SLC39A11: variants seen among roughly 807,000 people sequenced by gnomAD.
SLC39A11 encodes the protein zinc transporter ZIP11.
A neutral mutation model predicts 36.1 loss-of-function variants in SLC39A11; 33 were observed. The ratio of observed to expected loss-of-function variants is 0.91; its 90% CI spans 0.69 to 1.22. The LOEUF (loss-of-function observed/expected upper bound fraction) is 1.22. SLC39A11 is among the 50% of genes most tolerant of loss of function. The pLI is 0.00. For missense variants in SLC39A11, 432 were observed against 430.3 expected, an observed-to-expected ratio of 1.00 and a Z score of -0.03; for synonymous variants, 166 against 170.3, an observed-to-expected ratio of 0.97 and a Z score of 0.20.
At chr17:72,877,983 C>T (rs531990321) in intron 5 of SLC39A11, among the ~76,000 whole-genome samples, 3 of 119,006 alleles carry the variant, frequency 2.5e-5, no homozygotes, top group South Asian at 6.9e-4. Flanking sequence ...CCCCACCCCA[C>T]AACAGGCCCC....
At chr17:72,714,230 C>A (rs1181814991) in intron 7 of SLC39A11, among the ~76,000 whole-genome samples, 1 of 152,058 alleles carries the variant, frequency 6.6e-6, no homozygotes, top group Non-Finnish European at 1.5e-5. Flanking sequence ...GTGGTGCGCA[C>A]CTGTACTCCC....
intron 6 of SLC39A11, among the ~76,000 whole-genome samples, chr17:72,825,043 C>T (rs1453967985): frequency 6.6e-6 from 1 of 151,318 alleles, no homozygotes; most frequent in African/African-American, 2.4e-5. Flanking sequence ...TAAAGAGGGG[C>T]CGAATGTTAA....
intron 4 of SLC39A11, among the ~76,000 whole-genome samples, chr17:73,000,167 G>C (rs16977478): frequency 0.033 from 4,981 of 152,058 alleles, 286 homozygotes; most frequent in African/African-American, 0.11. Flanking sequence ...CAGATGCACC[G>C]GGATAGTCAG....
rs1180466939 is a variant in SLC39A11 at position 72,897,070 on chromosome 17, AAC to A, written c.431-47268_431-47267del. On this transcript the variant is annotated intron_variant, in intron 5 of 9. Transcript: ENST00000255559. ...TCTGTCTCAAAAAAAAAAAAAAAAAAACAAACAGAAAAACAGAAAAGTCCTCA... is the reference window on the plus strand; with the variant it reads ...TCTGTCTCAAAAAAAAAAAAAAAAAAAAACAGAAAAACAGAAAAGTCCTCA... Among the ~76,000 whole-genome samples the A allele has an allele frequency of 2.7e-5, 4 of 150,404 alleles. 1 individual carries two copies. The highest frequency in any genetic ancestry group is 3.0e-5 in the Non-Finnish European group (2 of 67,450).
chr17:73,030,884 G>A (rs1029355519), intron 4 of SLC39A11, among the ~76,000 whole-genome samples: 2 of 152,186 alleles, frequency 1.3e-5, no homozygotes, highest in African/African-American at 4.8e-5. Context: ...GTGCTTCCCT[G>A]TAAGCACATA....
chr17:72,675,018 G>A (rs1450746379), intron 7 of SLC39A11, among the ~76,000 whole-genome samples: 1 of 151,930 alleles, frequency 6.6e-6, no homozygotes, highest in African/African-American at 2.4e-5. Flanking sequence ...CACAGAGACA[G>A]AAAGAGAGAG....
chr17:72,993,302 G>A (rs2089301253), intron 4 of SLC39A11, among the ~76,000 whole-genome samples: 2 of 152,166 alleles, frequency 1.3e-5, no homozygotes, highest in Admixed American at 1.3e-4. Context: ...AGTTAAAATG[G>A]GAGCGTTTTA....
At chr17:72,748,260 T>A (rs148246784) in intron 6 of SLC39A11, among the ~76,000 whole-genome samples, 2,747 of 150,670 alleles carry the variant, frequency 0.018, 73 homozygotes, top group African/African-American at 0.061. Flanking sequence ...AGGTGGAGGT[T>A]GCAGTGAGCC....
At chr17:72,797,161 C>T (rs567268312) in intron 6 of SLC39A11, among the ~76,000 whole-genome samples, 3 of 152,194 alleles carry the variant, frequency 2.0e-5, no homozygotes, top group Admixed American at 1.3e-4. Context: ...AGGGGTTTAC[C>T]ATCTTGCTGA....
intron 7 of SLC39A11, among the ~76,000 whole-genome samples, chr17:72,707,081 A>G (rs1247507942): frequency 6.6e-6 from 1 of 152,218 alleles, no homozygotes; most frequent in African/African-American, 2.4e-5. Flanking sequence ...TTAGTATGAA[A>G]AAGAGAATGT....
At chr17:72,719,809 G>A (rs188379363) in intron 7 of SLC39A11, among the ~76,000 whole-genome samples, 7 of 152,302 alleles carry the variant, frequency 4.6e-5, no homozygotes, top group East Asian at 3.9e-4. Flanking sequence ...GGACTTGGGT[G>A]GGGGTGGCTG....
chr17:72,882,390 A>C (rs1186432585), intron 5 of SLC39A11, among the ~76,000 whole-genome samples: 1 of 151,596 alleles, frequency 6.6e-6, no homozygotes, highest in Non-Finnish European at 1.5e-5. Context: ...ATGCTCTTTC[A>C]ACTTTCTTTA....
chr17:72,865,973 C>G (rs1233077405), intron 5 of SLC39A11, among the ~76,000 whole-genome samples: 1 of 152,132 alleles, frequency 6.6e-6, no homozygotes, highest in Non-Finnish European at 1.5e-5. Context: ...AAATCTAAAT[C>G]AGAGAGAGGA....
chr17:72,961,493 G>A (rs1338181866), intron 4 of SLC39A11, among the ~76,000 whole-genome samples: 2 of 139,450 alleles, frequency 1.4e-5, no homozygotes, highest in East Asian at 1.9e-4. Flanking sequence ...CAACCCAAAT[G>A]TCCATCAATG....
At chr17:73,088,874 C>A (rs1322652264) in intron 1 of SLC39A11, 99 bp from the exon 2 acceptor site, 1 of 855,474 alleles carries the variant, frequency 1.2e-6, no homozygotes, top group East Asian at 2.7e-5. Context: ...AGCTGGCCTC[C>A]CTCCAGGTTG....
At position 73,030,000 on chromosome 17, in the gene SLC39A11, G is replaced by A. The variant is rs114680048; in HGVS notation, c.306+1556C>T. ...GACAGTTTTTCCATGGACAGGGGCC[G>A]GGGTAGGGGGTTGGGGATGAAACTG... On this transcript the variant is annotated intron_variant, in intron 4 of 9. Coordinates refer to ENST00000255559, the MANE Select transcript of SLC39A11 (RefSeq NM_139177.4). Among the ~76,000 whole-genome samples the A allele has an allele frequency of 9.1e-3, 1,379 of 152,348 alleles. 16 individuals are homozygous for A. The highest frequency in any genetic ancestry group is 0.032 in the African/African-American group (1,319 of 41,578).
intron 5 of SLC39A11, among the ~76,000 whole-genome samples, chr17:72,899,565 G>A (rs1470652397): frequency 6.6e-6 from 1 of 152,106 alleles, no homozygotes; most frequent in African/African-American, 2.4e-5. Context: ...CACTTATAAA[G>A]TGCTATTCTC....
In SLC39A11 at chr17:72,899,542, C is replaced by T. The variant is rs192362070; in HGVS notation, c.430+48210G>A. ...TTACTCTAACACCACAATTCCTCTC[C>T]GGCCACATTCACCACTTATAAAGTG... On this transcript the variant is annotated intron_variant, in intron 5 of 9. Transcript: ENST00000255559. Among the ~76,000 whole-genome samples, 15 of 152,262 alleles carry T rather than the reference C, an allele frequency of 9.9e-5. No homozygotes were observed. In the East Asian group the frequency reaches 2.5e-3, roughly 25 times the overall value.
chr17:72,683,095 G>A (rs1050542301), intron 7 of SLC39A11, among the ~76,000 whole-genome samples: 1 of 152,194 alleles, frequency 6.6e-6, no homozygotes, highest in African/African-American at 2.4e-5. Flanking sequence ...TTCTGAAGGT[G>A]CTGCTTCATG....
Sources: gnomAD v4.1 joint callset for allele counts (sites outside exome capture counted in the v4.1 genomes callset) on GRCh38, gnomAD v4.1.1 for gene constraint, MANE v1.5 for transcripts, NCBI Gene and HGNC (gene_info 2026-07-23, HGNC 2026-07-21) for gene names.